PRKCZ: variants seen among roughly 807,000 people sequenced by gnomAD.
PRKCZ encodes the protein protein kinase C zeta type.
A neutral mutation model predicts 79.5 loss-of-function variants in PRKCZ; 33 were observed. That is an observed-to-expected ratio of 0.41 (90% CI 0.31 to 0.55). The LOEUF (loss-of-function observed/expected upper bound fraction) is 0.55. Among genes scored for constraint, PRKCZ ranks in the 20% least tolerant of loss-of-function variants. The pLI is 0.19. For missense variants in PRKCZ, 578 were observed against 813.5 expected, an observed-to-expected ratio of 0.71 and a Z score of 3.52; for synonymous variants, 342 against 320.9, an observed-to-expected ratio of 1.07 and a Z score of -0.70.
At position 2,125,136 on chromosome 1, in the gene PRKCZ, G is replaced by A. The variant is rs1030215922; in HGVS notation, c.335-10126G>A. 5.9e-5 allele frequency among the ~76,000 whole-genome samples: 9 copies of A among 152,274 alleles called. 1 individual carries two copies. In the South Asian group the frequency reaches 1.0e-3, roughly 18 times the overall value. On this transcript the variant is annotated intron_variant, in intron 4 of 17. Transcript: ENST00000378567. The surrounding 1 kb of genome is among the most constrained non-coding windows in gnomAD (Gnocchi z 4.2). ...CACGGAGCTCAGCAGTGAGGAACTC[G>A]GAGCAGCTTCTTGTTGTTGGTGTTG...
At chr1:2,090,643 G>A (rs969241742) in intron 4 of PRKCZ, among the ~76,000 whole-genome samples, 1 of 152,174 alleles carries the variant, frequency 6.6e-6, no homozygotes, top group African/African-American at 2.4e-5. Context: ...TGAAGCCCTC[G>A]TCCTCCCACA....
intron 1 of PRKCZ, among the ~76,000 whole-genome samples, chr1:2,055,189 G>A (rs1021019785): frequency 2.0e-5 from 3 of 151,726 alleles, no homozygotes; most frequent in South Asian, 2.1e-4. Flanking sequence ...TGATCCACCC[G>A]CCTCGGCCTC....
rs1001567480 is a variant in PRKCZ, at chr1:2,125,732, G to A, written c.335-9530G>A. On this transcript the variant is annotated intron_variant, in intron 4 of 17. Transcript: ENST00000378567. This position sits in a 1 kb window ranked among gnomAD's most constrained non-coding sequence, Gnocchi z 4.2. Reference sequence around the variant, plus strand: ...GGCTGGAGTGTGGGCGGAGGGCAGCGCCAGGTTTCCCAATCAGATTTGCTC... The same window carrying A: ...GGCTGGAGTGTGGGCGGAGGGCAGCACCAGGTTTCCCAATCAGATTTGCTC... Among the ~76,000 whole-genome samples, 1 of 152,222 alleles carries A rather than the reference G, an allele frequency of 6.6e-6. No homozygotes were observed. The highest frequency in any genetic ancestry group is 1.5e-5 in the Non-Finnish European group (1 of 68,042).
intron 10 of PRKCZ, among the ~76,000 whole-genome samples, chr1:2,159,935 C>T (rs780633610): frequency 2.7e-4 from 41 of 152,170 alleles, no homozygotes; most frequent in Admixed American, 2.0e-4. Context: ...GTCCCCCGCC[C>T]CATTCAACTG....
At chr1:2,156,909 C>A (rs1332939984) in intron 10 of PRKCZ, among the ~76,000 whole-genome samples, 1 of 152,166 alleles carries the variant, frequency 6.6e-6, no homozygotes, top group African/African-American at 2.4e-5. Context: ...GAAACAGAAC[C>A]AGTTGTGTGC....
rs1284201745 is a variant in PRKCZ at position 2,168,119 on chromosome 1, C to T, written c.975-1399C>T. Among the ~76,000 whole-genome samples, 5 of 152,100 alleles carry T rather than the reference C, an allele frequency of 3.3e-5. No homozygotes were observed. The highest frequency in any genetic ancestry group is 7.2e-5 in the African/African-American group (3 of 41,414). ...TCTGTCATTGCTATTTTGTTTATAC[C>T]GGGGATTGGCAAACTTTTTCTTGAA... On this transcript the variant is annotated intron_variant, in intron 10 of 17. Coordinates refer to ENST00000378567, the MANE Select transcript of PRKCZ (RefSeq NM_002744.6). The surrounding 1 kb of genome is among the most constrained non-coding windows in gnomAD (Gnocchi z 4.7).
In PRKCZ at chr1:2,177,904, ACCGCCGGCCCTGCCTCTGCCACCG is replaced by A. The variant is rs1259695346; in HGVS notation, c.1575+2592_1575+2615del. Among the ~76,000 whole-genome samples the A allele has an allele frequency of 4.0e-5, 6 of 149,962 alleles. No individual in the cohort carries two copies. Among genetic ancestry groups the A allele is most frequent in the African/African-American group, 1.5e-4 (6 of 39,738 alleles). ...ACTGCCAGCCCTGCCTCTGCCACCG[ACCGCCGGCCCTGCCTCTGCCACCG>A]ACCGCCGACCCTGCCTCTGCCGTTT... On this transcript the variant is annotated intron_variant, in intron 16 of 17. Transcript: ENST00000378567. The surrounding 1 kb of genome is among the most constrained non-coding windows in gnomAD (Gnocchi z 6.4).
intron 9 of PRKCZ, among the ~76,000 whole-genome samples, chr1:2,154,749 C>T (rs1465919013): frequency 3.9e-5 from 6 of 152,220 alleles, no homozygotes; most frequent in Non-Finnish European, 8.8e-5. Flanking sequence ...TTGAGAACTT[C>T]GTCCAGCTCT....
intron 4 of PRKCZ, among the ~76,000 whole-genome samples, chr1:2,080,705 C>A (rs1012179382): frequency 1.3e-5 from 2 of 152,166 alleles, no homozygotes; most frequent in African/African-American, 4.8e-5. Context: ...AGGCTTTATT[C>A]CGCTTGCCTC....
intron 4 of PRKCZ, among the ~76,000 whole-genome samples, chr1:2,101,082 G>A (rs1444408172): frequency 2.0e-5 from 3 of 150,660 alleles, no homozygotes; most frequent in Non-Finnish European, 2.9e-5. Flanking sequence ...CCAAGGGAGC[G>A]TCTCCTCTGG....
intron 4 of PRKCZ, among the ~76,000 whole-genome samples, chr1:2,081,684 A>G (rs1016617830): frequency 1.3e-5 from 2 of 152,110 alleles, no homozygotes; most frequent in Non-Finnish European, 2.9e-5. Flanking sequence ...CTGACCCCGC[A>G]TACTCTTCTC....
At chr1:2,060,253 G>C (rs1300558438) in intron 4 of PRKCZ, among the ~76,000 whole-genome samples, 1 of 152,262 alleles carries the variant, frequency 6.6e-6, no homozygotes, top group East Asian at 1.9e-4. Context: ...GCCGCTGCCT[G>C]TCCAGCGCAG....
chr1:2,065,591 A>G (rs1661056132), intron 4 of PRKCZ, among the ~76,000 whole-genome samples: 1 of 151,576 alleles, frequency 6.6e-6, no homozygotes, highest in African/African-American at 2.4e-5. Flanking sequence ...AGCCAGGAGA[A>G]TAGCCTGAAC....
chr1:2,123,408 C>T (rs1290460980), intron 4 of PRKCZ, among the ~76,000 whole-genome samples: 1 of 4,756 alleles, frequency 2.1e-4, no homozygotes, highest in Non-Finnish European at 3.0e-4. Context: ...GTTAGGGTCA[C>T]GGTGGTGGTT....
chr1:2,076,147 G>A (rs1662369540), intron 4 of PRKCZ, among the ~76,000 whole-genome samples: 2 of 152,224 alleles, frequency 1.3e-5, no homozygotes, highest in African/African-American at 4.8e-5. Flanking sequence ...GTGCCATCGA[G>A]GGGAAGCCTG....
intron 4 of PRKCZ, among the ~76,000 whole-genome samples, chr1:2,112,892 G>A (rs1034956973): frequency 4.4e-4 from 67 of 152,242 alleles, no homozygotes; most frequent in East Asian, 3.9e-4. Flanking sequence ...GGGTTTCACC[G>A]TGTTGGCCAG....
intron 4 of PRKCZ, among the ~76,000 whole-genome samples, chr1:2,107,137 C>T (rs921398954): frequency 6.6e-6 from 1 of 152,238 alleles, no homozygotes; most frequent in African/African-American, 2.4e-5. Flanking sequence ...CGGGGTTCTG[C>T]GTCTGTGACC....
intron 4 of PRKCZ, among the ~76,000 whole-genome samples, chr1:2,099,401 C>T (rs1571357359): frequency 6.6e-6 from 1 of 152,054 alleles, no homozygotes; most frequent in Non-Finnish European, 1.5e-5. Flanking sequence ...TGCTAATGGG[C>T]GGACCAGTGA....
rs1201476248 is a variant in PRKCZ, at chr1:2,173,260, C to T, written c.1286-637C>T. Reference sequence around the variant, plus strand: ...TCCCCAGCGGCCACAATGGAAGTCTCAGTAGCCAGAGAAGGACAGACAGCA... The same window carrying T: ...TCCCCAGCGGCCACAATGGAAGTCTTAGTAGCCAGAGAAGGACAGACAGCA... On this transcript the variant is annotated intron_variant, in intron 13 of 17. Coordinates refer to ENST00000378567, the MANE Select transcript of PRKCZ (RefSeq NM_002744.6). This position sits in a 1 kb window ranked among gnomAD's most constrained non-coding sequence, Gnocchi z 5.7. Among the ~76,000 whole-genome samples the T allele has an allele frequency of 6.6e-6, 1 of 152,166 alleles. No individual in the cohort carries two copies. Among genetic ancestry groups the T allele is most frequent in the Non-Finnish European group, 1.5e-5 (1 of 68,030 alleles).
Sources: allele counts gnomAD v4.1 joint callset (sites outside exome capture counted in the v4.1 genomes callset), GRCh38; gene constraint gnomAD v4.1.1; non-coding constraint Gnocchi (gnomAD v3.1); transcripts MANE v1.5; gene names NCBI Gene and HGNC (gene_info 2026-07-23, HGNC 2026-07-21).